The following PTPN2 variants were observed in gnomAD, a reference collection of about 807,000 sequenced individuals.
PTPN2 encodes the protein protein tyrosine phosphatase non-receptor type 2.
In PTPN2, 19 loss-of-function variants were observed where a neutral mutation model predicts 57.3. The ratio of observed to expected loss-of-function variants is 0.33; its 90% CI spans 0.23 to 0.49. The LOEUF (loss-of-function observed/expected upper bound fraction) is 0.49. Ranked by LOEUF, PTPN2 falls within the 20% of genes least tolerant of loss-of-function variation. PTPN2 has a pLI of 0.99. For missense variants in PTPN2, 358 were observed against 501.1 expected, an observed-to-expected ratio of 0.71 and a Z score of 2.73; for synonymous variants, 153 against 164.9, an observed-to-expected ratio of 0.93 and a Z score of 0.55.
rs1470741566 is a variant in PTPN2, at chr18:12,884,055, C to A, written c.69+18G>T. 1 of 1,561,406 alleles carries A rather than the reference C, an allele frequency of 6.4e-7. No homozygotes were observed. Among genetic ancestry groups the A allele is most frequent in the South Asian group, 1.2e-5 (1 of 85,072 alleles). Reference sequence around the variant, plus strand: ...TCTCGGAGGAGGTCGGCGACTGCCGCGTGGGTCCGCGACTCACCAAGTACA... The same window carrying A: ...TCTCGGAGGAGGTCGGCGACTGCCGAGTGGGTCCGCGACTCACCAAGTACA... On this transcript the variant is annotated intron_variant, in intron 1 of 8. Coordinates refer to ENST00000309660, the MANE Select transcript of PTPN2 (RefSeq NM_002828.4).
rs992849027 is a variant in PTPN2, at chr18:12,884,209, G to C, written c.-68C>G. On this transcript the variant is annotated 5_prime_UTR_variant, in exon 1 of 9. Transcript: ENST00000309660. ...GAGAGGCTCAGGCCCCGCACGATCC[G>C]GGGAGAGCGCTGGCGCTGCGGCGCA... 14 of 1,298,272 alleles carry C rather than the reference G, an allele frequency of 1.1e-5. No homozygotes were observed. The highest frequency in any genetic ancestry group is 7.9e-5 in the African/African-American group (5 of 63,508). The allele number at this position is 1,298,272 out of a possible 1,614,324, so 80.4% of individuals were successfully genotyped here.
intron 4 of PTPN2, among the ~76,000 whole-genome samples, chr18:12,827,361 T>A (rs74798441): frequency 0.028 from 4,036 of 145,666 alleles, 147 homozygotes; most frequent in African/African-American, 0.078. Context: ...AAAAAAATAA[T>A]AATAATAATA....
chr18:12,868,783 G>A lies in PTPN2; in HGVS notation c.70-9529C>T, dbSNP rs112432045. On this transcript the variant is annotated intron_variant, in intron 1 of 8. Coordinates refer to ENST00000309660, the MANE Select transcript of PTPN2 (RefSeq NM_002828.4). ...CTCCCCAAGTGCTGGGATTACAGGCGTGAGCTACCACACCCAGCTCCTGAT... is the reference window on the plus strand; with the variant it reads ...CTCCCCAAGTGCTGGGATTACAGGCATGAGCTACCACACCCAGCTCCTGAT... 8.9e-3 allele frequency among the ~76,000 whole-genome samples: 1,341 copies of A among 150,996 alleles called. 27 individuals carry two copies. The highest frequency in any genetic ancestry group is 0.031 in the African/African-American group (1,297 of 41,340).
At chr18:12,824,500 G>C (rs1392327531) in intron 5 of PTPN2, among the ~76,000 whole-genome samples, 3 of 152,024 alleles carry the variant, frequency 2.0e-5, no homozygotes, top group African/African-American at 7.2e-5. Context: ...TTTACTTAAT[G>C]GTTAACTAAA....
chr18:12,883,989 G>C (rs965942470), intron 1 of PTPN2, 84 bp downstream of exon 1: 3 of 1,246,228 alleles, frequency 2.4e-6, no homozygotes, highest in Non-Finnish European at 3.3e-6. Context: ...CGAGAGGCGG[G>C]GGAGGCGGGA....
chr18:12,866,549 T>G (rs906302315), intron 1 of PTPN2, among the ~76,000 whole-genome samples: 1 of 152,262 alleles, frequency 6.6e-6, no homozygotes, highest in East Asian at 1.9e-4. Flanking sequence ...GAAAGTAGAT[T>G]AGTGGTTGTC....
intron 1 of PTPN2, among the ~76,000 whole-genome samples, chr18:12,882,824 A>C (rs1486761198): frequency 6.6e-6 from 1 of 152,248 alleles, no homozygotes; most frequent in Non-Finnish European, 1.5e-5. Flanking sequence ...AAGGGGAAAA[A>C]CCCAGGATCA....
At chr18:12,791,640 C>T (rs917709989), downstream of PTPN2, among the ~76,000 whole-genome samples, 2 of 152,046 alleles carry the variant, frequency 1.3e-5, no homozygotes, top group East Asian at 3.8e-4. Context: ...AAACTGAACA[C>T]TATTTAAAGC....
intron 3 of PTPN2, among the ~76,000 whole-genome samples, 157 bp from the exon 4 acceptor site, chr18:12,831,198 A>G (rs2042657203): frequency 6.6e-6 from 1 of 152,236 alleles, no homozygotes; most frequent in Admixed American, 6.5e-5. Context: ...CTGATTTCAA[A>G]AACAGGTCTG....
At chr18:12,836,099 T>C (rs1226165079) in intron 3 of PTPN2, among the ~76,000 whole-genome samples, 1 of 152,260 alleles carries the variant, frequency 6.6e-6, no homozygotes, top group Non-Finnish European at 1.5e-5. Flanking sequence ...TTATGGTATA[T>C]CTTTTGAATA....
At chr18:12,868,262 G>A (rs886614809) in intron 1 of PTPN2, among the ~76,000 whole-genome samples, 2 of 149,442 alleles carry the variant, frequency 1.3e-5, no homozygotes, top group African/African-American at 5.0e-5. Flanking sequence ...GTTTTTTTTT[G>A]AGATTGAGTC....
Position 12,795,246 on chromosome 18 carries a change from C to T in PTPN2, c.1041-761G>A, listed in dbSNP as rs186325399. 9.2e-5 allele frequency among the ~76,000 whole-genome samples: 14 copies of T among 152,254 alleles called. No homozygotes were observed. In the East Asian group the frequency reaches 2.7e-3, roughly 29 times the overall value. On this transcript the variant is annotated intron_variant, in intron 8 of 8. Coordinates refer to ENST00000309660, the MANE Select transcript of PTPN2 (RefSeq NM_002828.4). ...GCACTTATTCTTTTATTTGACCATACACATTTCTACCTCCCATTTTCATAG... is the reference window on the plus strand; with the variant it reads ...GCACTTATTCTTTTATTTGACCATATACATTTCTACCTCCCATTTTCATAG...
At chr18:12,878,230 T>A (rs182888933) in intron 1 of PTPN2, among the ~76,000 whole-genome samples, 126 of 150,914 alleles carry the variant, frequency 8.3e-4, no homozygotes, top group African/African-American at 3.0e-3. Flanking sequence ...GGCAGGAGGA[T>A]GTCTAAAGCC....
At chr18:12,882,896 A>C (rs1356948457) in intron 1 of PTPN2, among the ~76,000 whole-genome samples, 1 of 152,260 alleles carries the variant, frequency 6.6e-6, no homozygotes, top group Non-Finnish European at 1.5e-5. Flanking sequence ...CAGAAGCAGC[A>C]TTAACTTAAC....
intron 8 of PTPN2, among the ~76,000 whole-genome samples, chr18:12,794,952 C>T (rs1458018199): frequency 6.6e-6 from 1 of 152,154 alleles, no homozygotes; most frequent in Admixed American, 6.5e-5. Flanking sequence ...TTTAATGATT[C>T]AGAGATGTAC....
chr18:12,875,995 C>T (rs957384861), intron 1 of PTPN2, among the ~76,000 whole-genome samples: 1 of 152,118 alleles, frequency 6.6e-6, no homozygotes, highest in Non-Finnish European at 1.5e-5. Flanking sequence ...ATCGCTTTAG[C>T]CCGGGAGTTC....
At position 12,884,125 on chromosome 18, in the gene PTPN2, T is replaced by A. The variant is rs758737273; in HGVS notation, c.17A>T (p.Glu6Val). 4 of 1,587,296 alleles carry A rather than the reference T, an allele frequency of 2.5e-6. No homozygotes were observed. The highest frequency in any genetic ancestry group is 1.1e-5 in the South Asian group (1 of 87,408). ...AGTATCCAACTCTTCGAACTCCCGC[T>A]CGATGGTGGTGGGCATGGCTGCGGG... is the stretch of plus-strand genomic sequence containing the variant. MPTTI[E>V]REFEELDTQR... The change falls in exon 1 of 9, where the codon GAG becomes GTG. Residue 6 changes from glutamate (E) to valine (V), a missense_variant. Physicochemically the swap from Glu to Val is moderately radical, Grantham distance 121 (BLOSUM62 -2). Transcript: ENST00000309660.
chr18:12,877,769 T>A (rs2044537691), intron 1 of PTPN2, among the ~76,000 whole-genome samples: 1 of 152,110 alleles, frequency 6.6e-6, no homozygotes, highest in Non-Finnish European at 1.5e-5. Flanking sequence ...CCCAGCACTT[T>A]GGGAGGCCGA....
intron 4 of PTPN2, among the ~76,000 whole-genome samples, chr18:12,828,924 G>C (rs912151828): frequency 3.9e-5 from 6 of 151,944 alleles, no homozygotes; most frequent in African/African-American, 1.5e-4. Context: ...TTTGAGACAG[G>C]GTCTCGCTCT....
Sources: allele counts gnomAD v4.1 joint callset (sites outside exome capture counted in the v4.1 genomes callset), GRCh38; gene constraint gnomAD v4.1.1; transcripts MANE v1.5; gene names NCBI Gene and HGNC (gene_info 2026-07-23, HGNC 2026-07-21).